KMT2B: variants seen among roughly 807,000 people sequenced by gnomAD.
The protein encoded by KMT2B is histone-lysine N-methyltransferase 2B.
KMT2B carries 22 observed loss-of-function variants against 255.3 expected under a neutral mutation model. The ratio of observed to expected loss-of-function variants is 0.09; its 90% CI spans 0.06 to 0.12. The LOEUF is 0.12. KMT2B is among the 10% of genes least tolerant of loss of function. The pLI is 1.00. For missense variants in KMT2B, 3,149 were observed against 3,737.0 expected (o/e 0.84, Z 4.10); for synonymous variants, 1,730 against 1,498.1 (o/e 1.15, Z -3.57).
Position 35,733,797 on chromosome 19 carries a change from C to G in KMT2B, c.7084C>G (p.Pro2362Ala), listed in dbSNP as rs1412733089. 6.2e-6 allele frequency: 10 copies of G among 1,613,756 alleles called. No individual in the cohort carries two copies. In the Admixed American group the frequency reaches 6.7e-5, roughly 11 times the overall value. The change falls in exon 30 of 37, where the codon CCG becomes GCG. Residue 2362 changes from proline (P) to alanine (A), a missense_variant. Pro to Ala is a conservative substitution (Grantham distance 27). Around this residue, in one of 18 missense-constraint regions of KMT2B, gnomAD observed 897 missense variants for 825.3 expected, o/e 1.09. Coordinates refer to ENST00000420124, the MANE Select transcript of KMT2B (RefSeq NM_014727.3). The surrounding 1 kb of genome is among the most constrained non-coding windows in gnomAD (Gnocchi z 4.3). ...GGAACGGTCCCCTTTGCTGCCACTTCCGGAAGATGGTCCTCCCCAGGTCCC... is the reference window on the plus strand; with the variant it reads ...GGAACGGTCCCCTTTGCTGCCACTTGCGGAAGATGGTCCTCCCCAGGTCCC... ...LQERSPLLPLPEDGPPQVPDG... is the reference protein window; with the variant it reads ...LQERSPLLPLAEDGPPQVPDG...
In KMT2B at chr19:35,723,096, G is replaced by A; in HGVS notation, c.2824G>A (p.Gly942Arg). 1 of 1,613,352 alleles carries A rather than the reference G, an allele frequency of 6.2e-7. No individual in the cohort carries two copies. Among genetic ancestry groups the A allele is most frequent in the South Asian group, 1.1e-5 (1 of 91,068 alleles). Reference sequence around the variant, plus strand: ...GGGAGAATCAGAGCCCACAGGTTCTGGAGGGACCCTGGCCCACACACCCCG... The same window carrying A: ...GGGAGAATCAGAGCCCACAGGTTCTAGAGGGACCCTGGCCCACACACCCCG... ...PGGESEPTGS[G>R]GTLAHTPRRS... The change falls in exon 6 of 37, where the codon GGA (glycine) becomes AGA (arginine). Residue 942 changes from glycine (G) to arginine (R), a missense_variant. Coordinates refer to ENST00000420124, the MANE Select transcript of KMT2B (RefSeq NM_014727.3). This position sits in a 1 kb window ranked among gnomAD's most constrained non-coding sequence, Gnocchi z 7.5.
Position 35,725,193 on chromosome 19 carries a change from C to T in KMT2B, c.3529-27C>T. ...TCTGCCTTGTATGCCTGGCGGCCCT[C>T]TGATCCTGCATCCTCTCTTCCCCCA... is the stretch of plus-strand genomic sequence containing the variant. On this transcript the variant is annotated intron_variant, in intron 10 of 36. Transcript: ENST00000420124. The surrounding 1 kb of genome is among the most constrained non-coding windows in gnomAD (Gnocchi z 4.1). 1 of 1,605,894 alleles carries T rather than the reference C, an allele frequency of 6.2e-7. No individual in the cohort carries two copies. Among genetic ancestry groups the T allele is most frequent in the Non-Finnish European group, 8.5e-7 (1 of 1,173,238 alleles).
chr19:35,727,318 CT>C lies in KMT2B; in HGVS notation c.4117+50del. 1 of 1,571,348 alleles carries C rather than the reference CT, an allele frequency of 6.4e-7. No homozygotes were observed. The highest frequency in any genetic ancestry group is 8.8e-7 in the Non-Finnish European group (1 of 1,142,022). On this transcript the variant is annotated intron_variant, in intron 15 of 36. Transcript: ENST00000420124. This position sits in a 1 kb window ranked among gnomAD's most constrained non-coding sequence, Gnocchi z 4.2. ...TGCAGCCTCAACCCTGTGGGGACCC[CT>C]GCCCCCACCACAGGCCCCAAGAGGA... is the stretch of plus-strand genomic sequence containing the variant.
rs755230505 is a variant in KMT2B, at chr19:35,732,954, A to G, written c.6405A>G (p.Ser2135=). 10 of 1,605,048 alleles carry G rather than the reference A, an allele frequency of 6.2e-6. No homozygotes were observed. The East Asian group carries it at 1.8e-4, about 29-fold the overall frequency. Reference sequence around the variant, plus strand: ...GAGGTGCTGGCCCTAGAGAGGAGTCACTCCCCCCGGCGCCTCCCCTGGCTA... The same window carrying G: ...GAGGTGCTGGCCCTAGAGAGGAGTCGCTCCCCCCGGCGCCTCCCCTGGCTA... ...GDGGAGPREE[S]LPPAPPLANG... The change falls in exon 28 of 37, where the codon TCA becomes TCG. Residue 2135 remains serine (S), a synonymous_variant. Transcript: ENST00000420124.
rs751428870 is a variant in KMT2B at position 35,721,819 on chromosome 19, T to C, written c.2457+15T>C. 4.5e-6 allele frequency: 7 copies of C among 1,551,954 alleles called. No individual in the cohort carries two copies. In the East Asian group the frequency reaches 1.4e-4, roughly 30 times the overall value. ...CTTCCATGCCGGTGAGTGTGGTCCC[T>C]GGGCCCAGCGGCACACCCAGCCATC... is the stretch of plus-strand genomic sequence containing the variant. On this transcript the variant is annotated intron_variant, in intron 3 of 36. Coordinates refer to ENST00000420124, the MANE Select transcript of KMT2B (RefSeq NM_014727.3).
chr19:35,727,059 G>T lies in KMT2B; in HGVS notation c.4004-97G>T. 1 of 758,968 alleles carries T rather than the reference G, an allele frequency of 1.3e-6. No homozygotes were observed. Among genetic ancestry groups the T allele is most frequent in the Non-Finnish European group, 2.2e-6 (1 of 458,242 alleles). 47.0% of individuals were successfully genotyped at this position (758,968 alleles called of 1,614,324 possible). A position where few individuals can be genotyped will look rare whatever the true frequency, so the allele number is the denominator to read the frequency against. ...AGTAGGGGCCCAAAACAGGGGCATAGTGGAGGCAGCTAAGGTACTGCTAAT... is the reference window on the plus strand; with the variant it reads ...AGTAGGGGCCCAAAACAGGGGCATATTGGAGGCAGCTAAGGTACTGCTAAT... On this transcript the variant is annotated intron_variant, in intron 14 of 36. Transcript: ENST00000420124. The surrounding 1 kb of genome is among the most constrained non-coding windows in gnomAD (Gnocchi z 4.2).
In KMT2B at chr19:35,733,695, C is replaced by T. The variant is rs111874612; in HGVS notation, c.7049+9C>T. The T allele has an allele frequency of 5.9e-5, 95 of 1,603,670 alleles. No homozygotes were observed. The African/African-American group carries it at 1.1e-3, about 19-fold the overall frequency. ...GGGGAAGAAAGTCCTGGGTGAGTGG[C>T]CAGGCCCCTCTCCCTGGAGGGTCTG... On this transcript the variant is annotated intron_variant, in intron 29 of 36. Coordinates refer to ENST00000420124, the MANE Select transcript of KMT2B (RefSeq NM_014727.3). The surrounding 1 kb of genome is among the most constrained non-coding windows in gnomAD (Gnocchi z 4.3).
Position 35,721,333 on chromosome 19 carries a change from C to T in KMT2B, c.1986C>T (p.Tyr662=), listed in dbSNP as rs764916893. The change falls in exon 3 of 37, where the codon TAC becomes TAT. Residue 662 remains tyrosine (Y), a synonymous_variant. Coordinates refer to ENST00000420124, the MANE Select transcript of KMT2B (RefSeq NM_014727.3). Reference sequence around the variant, plus strand: ...CAAGCGAAGCCCACCTGAAGATCTACGAATCGGTGCTTACTCCTCCTCCTC... The same window carrying T: ...CAAGCGAAGCCCACCTGAAGATCTATGAATCGGTGCTTACTCCTCCTCCTC... ...FTPSEAHLKI[Y]ESVLTPPPLG... is the part of the protein sequence containing the mutation. 9.7e-5 allele frequency: 152 copies of T among 1,564,010 alleles called. No individual in the cohort carries two copies. Among genetic ancestry groups the T allele is most frequent in the Admixed American group, 2.1e-4 (11 of 52,278 alleles).
At position 35,738,241 on chromosome 19, in the gene KMT2B, G is replaced by C; in HGVS notation, c.7873-41G>C. 6.3e-7 allele frequency: 1 copy of C among 1,593,194 alleles called. No homozygotes were observed. The highest frequency in any genetic ancestry group is 8.6e-7 in the Non-Finnish European group (1 of 1,161,592). Reference sequence around the variant, plus strand: ...GACAGTGGGTGAAGCGAGCCTGTCCGCGGGGACAGAGCACCTGATCTCCCC... The same window carrying C: ...GACAGTGGGTGAAGCGAGCCTGTCCCCGGGGACAGAGCACCTGATCTCCCC... On this transcript the variant is annotated intron_variant, in intron 36 of 36. Transcript: ENST00000420124. This position sits in a 1 kb window ranked among gnomAD's most constrained non-coding sequence, Gnocchi z 8.7.
rs745466198 is a variant in KMT2B at position 35,720,327 on chromosome 19, A to T, written c.980A>T (p.Gln327Leu). 13 of 1,611,606 alleles carry T rather than the reference A, an allele frequency of 8.1e-6. No homozygotes were observed. The highest frequency in any genetic ancestry group is 8.5e-7 in the Non-Finnish European group (1 of 1,178,800). ...TTGTCCTTGGGACTCGAATCAGGTC[A>T]AGGTCAAGGTCAACATGAGGAAAGT... ...GQLSLGLESG[Q>L]GQGQHEESWQ... is the part of the protein sequence containing the mutation. The change falls in exon 3 of 37, where the codon CAA becomes CTA. Residue 327 changes from glutamine to leucine, a missense_variant. Around this residue, in one of 18 missense-constraint regions of KMT2B, gnomAD observed 1,188 missense variants for 1,106.4 expected, o/e 1.07. Transcript: ENST00000420124.
In KMT2B at chr19:35,719,551, G is replaced by A. The variant is rs536497393; in HGVS notation, c.436+10G>A. On this transcript the variant is annotated intron_variant, in intron 2 of 36. Transcript: ENST00000420124. ...CTCCGATCCCAGCGAGGTGAGTGACGGGGGAACTCCACCTCTTTAGCGTCA... is the reference window on the plus strand; with the variant it reads ...CTCCGATCCCAGCGAGGTGAGTGACAGGGGAACTCCACCTCTTTAGCGTCA... 3.2e-6 allele frequency: 5 copies of A among 1,582,076 alleles called. No homozygotes were observed. Among genetic ancestry groups the A allele is most frequent in the East Asian group, 2.3e-5 (1 of 42,986 alleles).
Position 35,731,030 on chromosome 19 carries a change from G to GCTGTGCCAGGGA in KMT2B, c.5437+170_5437+171insAGGGACTGTGCC, listed in dbSNP as rs1383788572. 3.3e-5 allele frequency among the ~76,000 whole-genome samples: 5 copies of GCTGTGCCAGGGA among 152,268 alleles called. No homozygotes were observed. The South Asian group carries it at 1.0e-3, about 31-fold the overall frequency. Reference sequence around the variant, plus strand: ...TACTGCCATGCCTTGTGTGCCAGGGGCTGTGCCCGGCTTTTCATGGGAAGT... The same window carrying GCTGTGCCAGGGA: ...TACTGCCATGCCTTGTGTGCCAGGGGCTGTGCCAGGGACTGTGCCCGGCTTTTCATGGGAAGT... On this transcript the variant is annotated intron_variant, in intron 26 of 36. Coordinates refer to ENST00000420124, the MANE Select transcript of KMT2B (RefSeq NM_014727.3).
rs763243718 is a variant in KMT2B, at chr19:35,732,531, G to T, written c.5982G>T (p.Ala1994=). ...SGLSAADLDF[A]ASLLGTEPFQ... is the part of the protein sequence containing the mutation. ...TGAGTGCTGCTGACCTGGACTTCGC[G>T]GCCAGCCTGCTGGGGACTGAGCCCT... Residue 1994 remains alanine (A), a synonymous_variant, in exon 28 of 37, where the codon GCG becomes GCT. Transcript: ENST00000420124. 17 of 1,613,804 alleles carry T rather than the reference G, an allele frequency of 1.1e-5. No individual in the cohort carries two copies. Among genetic ancestry groups the T allele is most frequent in the Non-Finnish European group, 1.4e-5 (17 of 1,179,878 alleles).
chr19:35,722,812 C>A, intron 5 of KMT2B, 94 bp downstream of exon 5: 1 of 1,481,000 alleles, frequency 6.8e-7, no homozygotes, highest in South Asian at 1.4e-5. Context: ...GGAGCCAAGT[C>A]AGGTGCTCAG....
Position 35,730,395 on chromosome 19 carries a change from C to T in KMT2B, c.5130C>T (p.Phe1710=), listed in dbSNP as rs372951507. 72 of 1,613,672 alleles carry T rather than the reference C, an allele frequency of 4.5e-5. No individual in the cohort carries two copies. Among genetic ancestry groups the T allele is most frequent in the Admixed American group, 1.5e-4 (9 of 60,006 alleles). Residue 1710 remains phenylalanine (F), a synonymous_variant, in exon 24 of 37, where the codon TTC becomes TTT. Coordinates refer to ENST00000420124, the MANE Select transcript of KMT2B (RefSeq NM_014727.3). ...TTCTCCGCCGAGTCTATGTGGACTT[C>T]GAGGGCATCAACTTCAAGCGGAAGT... ...FDVLRRVYVD[F]EGINFKRKFL...
Position 35,724,696 on chromosome 19 carries a change from G to T in KMT2B, c.3394G>T (p.Val1132Leu). Residue 1132 changes from valine to leucine, a missense_variant, in exon 9 of 37, where the codon GTG becomes TTG. Val to Leu is a conservative substitution (Grantham distance 32, BLOSUM62 1). Coordinates refer to ENST00000420124, the MANE Select transcript of KMT2B (RefSeq NM_014727.3). Reference sequence around the variant, plus strand: ...GCCCCGCAAACCTACCCTGCAGCCTGTGTTGCAGCTCAAGGCCCGAAGGCG... The same window carrying T: ...GCCCCGCAAACCTACCCTGCAGCCTTTGTTGCAGCTCAAGGCCCGAAGGCG... ...SRPRKPTLQP[V>L]LQLKARRRLD... 1 of 1,600,668 alleles carries T rather than the reference G, an allele frequency of 6.2e-7. No homozygotes were observed.
rs1169430917 is a variant in KMT2B, at chr19:35,733,818, G to A, written c.7105G>A (p.Val2369Ile). The A allele has an allele frequency of 6.2e-7, 1 of 1,613,584 alleles. No individual in the cohort carries two copies. The highest frequency in any genetic ancestry group is 1.3e-5 in the African/African-American group (1 of 74,886). The change falls in exon 30 of 37, where the codon GTC becomes ATC. Residue 2369 changes from valine to isoleucine, a missense_variant. Physicochemically the swap from Val to Ile is conservative, Grantham distance 29. Transcript: ENST00000420124. This position sits in a 1 kb window ranked among gnomAD's most constrained non-coding sequence, Gnocchi z 4.3. ...LPLPEDGPPQ[V>I]PDGPPDLLLE... ...ACTTCCGGAAGATGGTCCTCCCCAG[G>A]TCCCCGATGGTCCCCCAGACCTGCT...
rs1360831534 is a variant in KMT2B, at chr19:35,725,182, C to T, written c.3529-38C>T. The T allele has an allele frequency of 6.3e-7, 1 of 1,597,998 alleles. No individual in the cohort carries two copies. Among genetic ancestry groups the T allele is most frequent in the Non-Finnish European group, 8.6e-7 (1 of 1,166,176 alleles). ...AGCCAGGTGGGTCTGCCTTGTATGCCTGGCGGCCCTCTGATCCTGCATCCT... is the reference window on the plus strand; with the variant it reads ...AGCCAGGTGGGTCTGCCTTGTATGCTTGGCGGCCCTCTGATCCTGCATCCT... On this transcript the variant is annotated intron_variant, in intron 10 of 36. Coordinates refer to ENST00000420124, the MANE Select transcript of KMT2B (RefSeq NM_014727.3). The surrounding 1 kb of genome is among the most constrained non-coding windows in gnomAD (Gnocchi z 4.1).
chr19:35,719,959 A>G lies in KMT2B; in HGVS notation c.612A>G (p.Gln204=), dbSNP rs746360804. The G allele has an allele frequency of 1.5e-5, 25 of 1,613,160 alleles. No individual in the cohort carries two copies. Among genetic ancestry groups the G allele is most frequent in the Middle Eastern group, 3.3e-4 (2 of 6,084 alleles). ...TELLRRAQAP[Q]APRSRACEPS... ...TTCTCCGGCGGGCCCAGGCACCCCA[A>G]GCACCCCGGAGCCGGGCATGTGAGC... The change falls in exon 3 of 37, where the codon CAA becomes CAG. Residue 204 remains glutamine, a synonymous_variant. Transcript: ENST00000420124.
Sources: gnomAD v4.1 joint callset for allele counts (sites outside exome capture counted in the v4.1 genomes callset) on GRCh38, gnomAD v4.1.1 for gene constraint, gnomAD v4.1.1 regional missense constraint, Gnocchi (gnomAD v3.1) non-coding constraint, MANE v1.5 for transcripts, NCBI Gene and HGNC (gene_info 2026-07-23, HGNC 2026-07-21) for gene names.